Variants in SYN3 observed in about 807,000 individuals in gnomAD.
The protein encoded by SYN3 is synapsin-3.
A neutral mutation model predicts 65.8 loss-of-function variants in SYN3; 35 were observed. The observed-to-expected ratio is 0.53, with a 90% confidence interval of 0.41 to 0.70. The LOEUF (loss-of-function observed/expected upper bound fraction) is 0.70, where lower values mean the gene tolerates loss of function less well. Ranked by LOEUF, SYN3 falls within the 30% of genes least tolerant of loss-of-function variation. The pLI is 0.00. For missense variants in SYN3, 680 were observed against 749.0 expected, an observed-to-expected ratio of 0.91 and a Z score of 1.08; for synonymous variants, 270 against 292.9, an observed-to-expected ratio of 0.92 and a Z score of 0.80.
At position 32,640,868 on chromosome 22, in the gene SYN3, GA is replaced by G. The variant is rs548787333; in HGVS notation, c.712-44133del. ...GGCGACAGAGCAAGACTCTGTCTCG[GA>G]AAAAAAAAAATCTATTCATATTTGT... is the stretch of plus-strand genomic sequence containing the variant. On this transcript the variant is annotated intron_variant, in intron 6 of 13. Coordinates refer to ENST00000358763, the MANE Select transcript of SYN3 (RefSeq NM_003490.4). Among the ~76,000 whole-genome samples the G allele has an allele frequency of 1.7e-3, 251 of 147,236 alleles. 2 individuals carry two copies. The South Asian group carries it at 0.023, about 13-fold the overall frequency.
intron 12 of SYN3, chr22:32,527,692 C>T (rs2058002425): frequency 2.2e-6 from 1 of 451,436 alleles, no homozygotes; most frequent in African/African-American, 2.0e-5. Context: ...TTCCCTGGCA[C>T]AGTGCTTGGT....
chr22:32,688,611 G>C (rs1431775376), intron 6 of SYN3, among the ~76,000 whole-genome samples: 1 of 152,064 alleles, frequency 6.6e-6, no homozygotes, highest in East Asian at 1.9e-4. Context: ...TTGGATGGTA[G>C]CCCATGCTTC....
chr22:33,024,334 T>C (rs1762034814), intron 1 of SYN3, among the ~76,000 whole-genome samples: 1 of 152,206 alleles, frequency 6.6e-6, no homozygotes, highest in Non-Finnish European at 1.5e-5. Flanking sequence ...TCTGGGGAAC[T>C]TTCTCACCAA....
chr22:32,576,498 A>T (rs1339347534), intron 7 of SYN3, among the ~76,000 whole-genome samples: 2 of 152,212 alleles, frequency 1.3e-5, no homozygotes, highest in Non-Finnish European at 2.9e-5. Flanking sequence ...TACACGGTTT[A>T]TGATGGTGAC....
chr22:33,009,821 T>C (rs1469097544), intron 1 of SYN3, among the ~76,000 whole-genome samples: 2 of 149,830 alleles, frequency 1.3e-5, no homozygotes, highest in Non-Finnish European at 3.0e-5. Flanking sequence ...ATAAATATAA[T>C]ATATATAAAG....
At chr22:32,869,283 C>T (rs577861521) in intron 4 of SYN3, among the ~76,000 whole-genome samples, 158 bp from the exon 5 acceptor site, 1 of 151,022 alleles carries the variant, frequency 6.6e-6, no homozygotes, top group South Asian at 2.1e-4. Flanking sequence ...AATGCAAAGG[C>T]ACAGCTACTC....
intron 7 of SYN3, 144 bp downstream of exon 7, chr22:32,596,530 A>C: frequency 6.7e-6 from 5 of 741,108 alleles, no homozygotes; most frequent in Non-Finnish European, 8.8e-6. Context: ...TGGGAGGGGA[A>C]GGAGATGTAC....
At chr22:32,916,160 T>C (rs1010989974) in intron 4 of SYN3, among the ~76,000 whole-genome samples, 1 of 152,186 alleles carries the variant, frequency 6.6e-6, no homozygotes, top group Non-Finnish European at 1.5e-5. Context: ...GGCAACAGAC[T>C]GAATGTGAAG....
chr22:32,756,491 T>A (rs2045296042), intron 6 of SYN3, among the ~76,000 whole-genome samples: 1 of 152,188 alleles, frequency 6.6e-6, no homozygotes, highest in Non-Finnish European at 1.5e-5. Flanking sequence ...TTGCCATGCA[T>A]TTTACAACTA....
chr22:32,798,253 A>T (rs2046475731), intron 6 of SYN3, among the ~76,000 whole-genome samples: 1 of 152,118 alleles, frequency 6.6e-6, no homozygotes, highest in Non-Finnish European at 1.5e-5. Context: ...GGCACTGTAC[A>T]AAGACTCAAA....
intron 7 of SYN3, among the ~76,000 whole-genome samples, chr22:32,554,911 G>A (rs1331875832): frequency 3.3e-5 from 5 of 152,198 alleles, no homozygotes; most frequent in South Asian, 2.1e-4. Flanking sequence ...CCTCATCAAC[G>A]AAATGTGGAT....
intron 6 of SYN3, among the ~76,000 whole-genome samples, chr22:32,621,106 A>C (rs575043387): frequency 6.6e-6 from 1 of 152,296 alleles, no homozygotes; most frequent in African/African-American, 2.4e-5. Context: ...GAGCAAGAGC[A>C]CATGACCATG....
intron 7 of SYN3, among the ~76,000 whole-genome samples, chr22:32,569,148 C>T (rs1206943358): frequency 1.3e-5 from 2 of 152,130 alleles, no homozygotes; most frequent in African/African-American, 4.8e-5. Context: ...TCAATTTCCT[C>T]ATGTGTAAAA....
In SYN3 at chr22:32,996,340, A is replaced by C. The variant is rs765902143; in HGVS notation, c.311+10012T>G. On this transcript the variant is annotated intron_variant, in intron 2 of 13. Coordinates refer to ENST00000358763, the MANE Select transcript of SYN3 (RefSeq NM_003490.4). ...TCACATCTACATTGAAAAACTAAGC[A>C]CCCACACTGAAAAACAGCTGTGGAG... Among the ~76,000 whole-genome samples the C allele has an allele frequency of 9.2e-5, 14 of 151,904 alleles. 1 individual carries two copies. Among genetic ancestry groups the C allele is most frequent in the Admixed American group, 3.9e-4 (6 of 15,250 alleles).
intron 6 of SYN3, among the ~76,000 whole-genome samples, chr22:32,806,691 T>C (rs1437918485): frequency 1.3e-5 from 2 of 152,254 alleles, no homozygotes; most frequent in East Asian, 1.9e-4. Flanking sequence ...GTTTTATCTA[T>C]ATTTTAAAAG....
At chr22:32,956,203 C>T (rs567767017) in intron 3 of SYN3, among the ~76,000 whole-genome samples, 2 of 137,020 alleles carry the variant, frequency 1.5e-5, no homozygotes, top group African/African-American at 5.5e-5. Flanking sequence ...TCGCCCAGGC[C>T]AGAATGCAGA....
At chr22:33,001,265 T>C (rs1601879835) in intron 2 of SYN3, among the ~76,000 whole-genome samples, 1 of 152,228 alleles carries the variant, frequency 6.6e-6, no homozygotes, top group African/African-American at 2.4e-5. Flanking sequence ...GCCAAAGCTG[T>C]GTCCCTACCC....
chr22:32,710,525 T>C (rs960971395), intron 6 of SYN3, among the ~76,000 whole-genome samples: 17 of 150,474 alleles, frequency 1.1e-4, no homozygotes, highest in African/African-American at 4.2e-4. Context: ...CCCAGCTACT[T>C]GGGAGGCTGA....
chr22:32,595,266 C>A (rs1444814939), intron 7 of SYN3, among the ~76,000 whole-genome samples: 2 of 152,096 alleles, frequency 1.3e-5, no homozygotes, highest in South Asian at 2.1e-4. Flanking sequence ...GCTTAGGGAC[C>A]AGGTTGGGTG....
Sources: gnomAD v4.1 joint callset for allele counts (sites outside exome capture counted in the v4.1 genomes callset) on GRCh38, gnomAD v4.1.1 for gene constraint, MANE v1.5 for transcripts, NCBI Gene and HGNC (gene_info 2026-07-23, HGNC 2026-07-21) for gene names.